Variants in RCOR3 observed in about 807,000 individuals in gnomAD.
RCOR3 encodes the protein REST corepressor 3.
In RCOR3, 13 loss-of-function variants were observed where a neutral mutation model predicts 64.1. The ratio of observed to expected loss-of-function variants is 0.20; its 90% CI spans 0.13 to 0.32. The LOEUF is 0.32. Ranked by LOEUF, RCOR3 falls within the 10% of genes least tolerant of loss-of-function variation. RCOR3 has a pLI of 1.00. For missense variants in RCOR3, 489 were observed against 701.2 expected (o/e 0.70, Z 3.42); for synonymous variants, 215 against 239.0 (o/e 0.90, Z 0.93).
intron 8 of RCOR3, among the ~76,000 whole-genome samples, chr1:211,292,955 G>C (rs999314412): frequency 6.6e-6 from 1 of 152,076 alleles, no homozygotes; most frequent in East Asian, 1.9e-4. Context: ...ATGGTGGCAG[G>C]CTCCTGTAAT....
chr1:211,305,571 C>T (rs1001389579), intron 10 of RCOR3, among the ~76,000 whole-genome samples: 2 of 152,004 alleles, frequency 1.3e-5, no homozygotes, highest in Non-Finnish European at 2.9e-5. Context: ...CCCTGATTTC[C>T]AGTATTCAGT....
At chr1:211,289,530 T>C in intron 8 of RCOR3, 134 bp downstream of exon 8, 2 of 697,926 alleles carry the variant, frequency 2.9e-6, no homozygotes, top group Non-Finnish European at 4.8e-6. Context: ...TTTTTTAAAG[T>C]TTATCTTAAG....
At chr1:211,298,879 C>T (rs1452750326) in intron 9 of RCOR3, among the ~76,000 whole-genome samples, 1 of 152,072 alleles carries the variant, frequency 6.6e-6, no homozygotes, top group Non-Finnish European at 1.5e-5. Flanking sequence ...TGGTGGCGGG[C>T]ACCTGTAGTC....
chr1:211,311,036 C>A (rs1701435693), intron 10 of RCOR3, among the ~76,000 whole-genome samples: 1 of 152,038 alleles, frequency 6.6e-6, no homozygotes, highest in African/African-American at 2.4e-5. Flanking sequence ...AGAGACTCAC[C>A]CTTATAAGAG....
intron 5 of RCOR3, among the ~76,000 whole-genome samples, chr1:211,277,169 C>CT (rs145454761): frequency 0.045 from 6,509 of 143,250 alleles, 428 homozygotes; most frequent in African/African-American, 0.16. Context: ...TTCTTTCTTT[C>CT]TTTTTTTTTT....
At chr1:211,286,308 TTTTC>T (rs1698514623) in intron 7 of RCOR3, among the ~76,000 whole-genome samples, 1 of 79,848 alleles carries the variant, frequency 1.3e-5, no homozygotes, top group African/African-American at 4.4e-5. Context: ...TCTATATTTC[TTTTC>T]TTTTTTTTTT....
chr1:211,262,835 T>TGAA (rs200352225), intron 2 of RCOR3, among the ~76,000 whole-genome samples: 1 of 151,036 alleles, frequency 6.6e-6, no homozygotes, highest in African/African-American at 2.4e-5. Flanking sequence ...TTTTTTTTTT[T>TGAA]GAAGAAGCTA....
chr1:211,271,734 C>T, intron 3 of RCOR3: 1 of 299,976 alleles, frequency 3.3e-6, no homozygotes, highest in Non-Finnish European at 6.7e-6. Flanking sequence ...GCCATCAGGT[C>T]ATCTTTGTGC....
chr1:211,259,857 C>G, intron 1 of RCOR3, 131 bp downstream of exon 1: 3 of 1,087,804 alleles, frequency 2.8e-6, no homozygotes, highest in Non-Finnish European at 3.7e-6. Context: ...GCCTCGAACT[C>G]CCGGTGCAGT....
At chr1:211,263,989 G>A (rs1166696612) in intron 2 of RCOR3, among the ~76,000 whole-genome samples, 1 of 151,858 alleles carries the variant, frequency 6.6e-6, no homozygotes, top group African/African-American at 2.4e-5. Flanking sequence ...GGCTAATTTT[G>A]TTTTTTGTAT....
chr1:211,300,063 C>G (rs1033758491), intron 9 of RCOR3, among the ~76,000 whole-genome samples: 3 of 114,026 alleles, frequency 2.6e-5, no homozygotes, highest in African/African-American at 8.0e-5. Context: ...TTTTCTTTTT[C>G]TTTCTTTCTT....
chr1:211,262,286 C>T (rs963865447), intron 2 of RCOR3, among the ~76,000 whole-genome samples: 4 of 151,900 alleles, frequency 2.6e-5, no homozygotes, highest in African/African-American at 9.7e-5. Flanking sequence ...TCTGCTGCCT[C>T]GACCTCCCAA....
At chr1:211,291,307 C>T (rs2102582723) in intron 8 of RCOR3, among the ~76,000 whole-genome samples, 1 of 152,266 alleles carries the variant, frequency 6.6e-6, no homozygotes, top group East Asian at 1.9e-4. Flanking sequence ...ATCTGAAATG[C>T]TCCAAAATTT....
In RCOR3 at chr1:211,313,096, G is replaced by A. The variant is rs566578864; in HGVS notation, c.1317+135G>A. The A allele has an allele frequency of 6.5e-6, 10 of 1,536,730 alleles. No individual in the cohort carries two copies. The highest frequency in any genetic ancestry group is 8.7e-6 in the Non-Finnish European group (10 of 1,147,544). On this transcript the variant is annotated intron_variant, in intron 11 of 11. Coordinates refer to ENST00000419091, the MANE Select transcript of RCOR3 (RefSeq NM_001136223.3). The surrounding 1 kb of genome is among the most constrained non-coding windows in gnomAD (Gnocchi z 4.7). ...GTTGACAATACACTTCTTCAGTGGTGCATCTCTCGTGACTCTTAAGTCATA... is the reference window on the plus strand; with the variant it reads ...GTTGACAATACACTTCTTCAGTGGTACATCTCTCGTGACTCTTAAGTCATA...
chr1:211,295,210 G>T (rs1164083285), intron 8 of RCOR3, among the ~76,000 whole-genome samples: 2 of 152,014 alleles, frequency 1.3e-5, no homozygotes, highest in Non-Finnish European at 2.9e-5. Context: ...AGAACTGATT[G>T]TACTTACCTC....
intron 3 of RCOR3, among the ~76,000 whole-genome samples, chr1:211,272,389 C>T (rs957914300): frequency 3.9e-5 from 6 of 152,282 alleles, no homozygotes; most frequent in Admixed American, 6.5e-5. Context: ...CTGTTTTACA[C>T]AATGGTTCAT....
chr1:211,301,863 T>C (rs1406110556), intron 9 of RCOR3: 1 of 152,264 alleles, frequency 6.6e-6, no homozygotes, highest in Admixed American at 6.5e-5. Flanking sequence ...TTTTCATTAA[T>C]GATACCTTTC....
rs1320190470 is a variant in RCOR3 at position 211,310,170 on chromosome 1, A to G, written c.1076-2550A>G. 4.6e-5 allele frequency among the ~76,000 whole-genome samples: 7 copies of G among 152,300 alleles called. No individual in the cohort carries two copies. In the East Asian group the frequency reaches 9.6e-4, roughly 21 times the overall value. ...GTATTTTCTAGGACAGTACTTTCCA[A>G]CCTTTTTCACATCATGGTACACAGA... On this transcript the variant is annotated intron_variant, in intron 10 of 11. Transcript: ENST00000419091.
At chr1:211,276,851 C>G (rs1697037366) in intron 5 of RCOR3, among the ~76,000 whole-genome samples, 1 of 152,044 alleles carries the variant, frequency 6.6e-6, no homozygotes, top group Non-Finnish European at 1.5e-5. Context: ...CTTTGGGAGG[C>G]CGAGGCGGGC....
Sources: gnomAD v4.1 joint callset for allele counts (sites outside exome capture counted in the v4.1 genomes callset) on GRCh38, gnomAD v4.1.1 for gene constraint, Gnocchi (gnomAD v3.1) non-coding constraint, MANE v1.5 for transcripts, NCBI Gene and HGNC (gene_info 2026-07-23, HGNC 2026-07-21) for gene names.